The following ZNF100 variants were observed in gnomAD, a reference collection of about 807,000 sequenced individuals.
ZNF100 encodes zinc finger protein 100 (Y1).
In ZNF100, 12 loss-of-function variants were observed where a neutral mutation model predicts 15.8. The ratio of observed to expected loss-of-function variants is 0.76; its 90% CI spans 0.49 to 1.23. ZNF100 has a LOEUF of 1.23. ZNF100 is among the 50% of genes most tolerant of loss of function. The pLI is 0.00. For missense variants in ZNF100, 670 were observed against 635.6 expected (o/e 1.05, Z -0.58); for synonymous variants, 226 against 214.8 (o/e 1.05, Z -0.45).
At chr19:21,740,108 T>C (rs1469763451) in intron 4 of ZNF100, among the ~76,000 whole-genome samples, 1 of 151,872 alleles carries the variant, frequency 6.6e-6, no homozygotes, top group Non-Finnish European at 1.5e-5. Context: ...AAAAACAGTA[T>C]GGTACTGATA....
intron 2 of ZNF100, among the ~76,000 whole-genome samples, chr19:21,748,637 A>G (rs1160010594): frequency 6.6e-6 from 1 of 152,252 alleles, no homozygotes; most frequent in African/African-American, 2.4e-5. Flanking sequence ...TCTTCAGTCC[A>G]TAAATATCCC....
chr19:21,751,031 T>C (rs1335042006), intron 2 of ZNF100: 3 of 1,317,770 alleles, frequency 2.3e-6, no homozygotes, highest in African/African-American at 1.5e-5. Context: ...GGCCACCACC[T>C]GCAGCACATC....
chr19:21,765,795 G>GA lies in ZNF100; in HGVS notation c.4-10dup, dbSNP rs1449162838. ...CCATACCTCGGGTCATCCTACGGGA[G>GA]AAAATAAACCAGAAGCTGACATTCA... On this transcript the variant is annotated splice_polypyrimidine_tract_variant and intron_variant, in intron 1 of 4. Coordinates refer to ENST00000358296, the MANE Select transcript of ZNF100 (RefSeq NM_173531.4). 2 of 1,613,484 alleles carry GA rather than the reference G, an allele frequency of 1.2e-6. 1 individual carries two copies. Among genetic ancestry groups the GA allele is most frequent in the Non-Finnish European group, 1.7e-6 (2 of 1,179,638 alleles).
In ZNF100 at chr19:21,763,596, A is replaced by G. The variant is rs1244350314; in HGVS notation, c.96+2098T>C. Among the ~76,000 whole-genome samples, 4 of 152,234 alleles carry G rather than the reference A, an allele frequency of 2.6e-5. No individual in the cohort carries two copies. The East Asian group carries it at 5.8e-4, about 22-fold the overall frequency. ...AGAGTAAGACTCCATCCCGGGGGGA[A>G]AAAAATCAGCTAAATTTGTCTTCAG... On this transcript the variant is annotated intron_variant, in intron 2 of 4. Coordinates refer to ENST00000358296, the MANE Select transcript of ZNF100 (RefSeq NM_173531.4).
At chr19:21,734,691 T>A (rs1344377322) in intron 4 of ZNF100, among the ~76,000 whole-genome samples, 1 of 152,044 alleles carries the variant, frequency 6.6e-6, no homozygotes, top group Non-Finnish European at 1.5e-5. Context: ...ATCATTCAAA[T>A]TCAGAAAATC....
At chr19:21,728,142 A>C (rs1017254176) in intron 4 of ZNF100, among the ~76,000 whole-genome samples, 153 bp from the exon 5 acceptor site, 2 of 151,866 alleles carry the variant, frequency 1.3e-5, no homozygotes, top group African/African-American at 4.8e-5. Flanking sequence ...AAAAAAAAAA[A>C]AACCAACCAA....
At chr19:21,765,566 A>T in intron 2 of ZNF100, 128 bp downstream of exon 2, 1 of 798,700 alleles carries the variant, frequency 1.3e-6, no homozygotes, top group Non-Finnish European at 2.0e-6. Flanking sequence ...CCCTTAGATG[A>T]TCCAGGGAGC....
chr19:21,727,025 G>C lies in ZNF100; in HGVS notation c.1287C>G (p.Tyr429Ter). The C allele has an allele frequency of 6.2e-7, 1 of 1,613,964 alleles. No homozygotes were observed. The highest frequency in any genetic ancestry group is 8.5e-7 in the Non-Finnish European group (1 of 1,179,940). Residue 429 changes from tyrosine (Y) to a stop codon, truncating the protein, a stop_gained, in exon 5 of 5, where the codon TAC (tyrosine) becomes TAG (stop). Transcript: ENST00000358296. LOFTEE classifies it low-confidence loss of function (END_TRUNC). The stretch of plus-strand genomic sequence containing the variant: ...AAGCTTTGCCACATTCTTCACATTT[G>C]TAGGGTTTCTCTCCAGTATGAATTC... ...HKRIHTGEKP[Y>*]KCEECGKAFN...
intron 2 of ZNF100, among the ~76,000 whole-genome samples, chr19:21,755,388 T>C (rs954931037): frequency 6.6e-6 from 1 of 151,264 alleles, no homozygotes; most frequent in Non-Finnish European, 1.5e-5. Flanking sequence ...CACAGTGAGA[T>C]ACATCTCACA....
chr19:21,747,304 A>T (rs1187719852), intron 2 of ZNF100, among the ~76,000 whole-genome samples: 1 of 151,924 alleles, frequency 6.6e-6, no homozygotes, highest in East Asian at 1.9e-4. Context: ...TTAAAATAAC[A>T]TGGATGCTTC....
chr19:21,740,777 C>G (rs1430648564), intron 4 of ZNF100, among the ~76,000 whole-genome samples: 1 of 152,174 alleles, frequency 6.6e-6, no homozygotes, highest in Admixed American at 6.5e-5. Flanking sequence ...GACGCCAACT[C>G]TGTTGATGAT....
intron 4 of ZNF100, among the ~76,000 whole-genome samples, chr19:21,739,607 G>C (rs2036072973): frequency 6.6e-6 from 1 of 152,130 alleles, no homozygotes; most frequent in African/African-American, 2.4e-5. Flanking sequence ...GCACTGCATG[G>C]TATCTGACCA....
At position 21,736,010 on chromosome 19, in the gene ZNF100, G is replaced by C. The variant is rs538360527; in HGVS notation, c.322+8007C>G. Among the ~76,000 whole-genome samples the C allele has an allele frequency of 3.3e-5, 5 of 152,174 alleles. No individual in the cohort carries two copies. In the South Asian group the frequency reaches 1.0e-3, roughly 32 times the overall value. ...TCACCTTGTTAGCCAGGATGGTCTCGATCTCCCGACCTCATGATCTGTCAG... is the reference window on the plus strand; with the variant it reads ...TCACCTTGTTAGCCAGGATGGTCTCCATCTCCCGACCTCATGATCTGTCAG... On this transcript the variant is annotated intron_variant, in intron 4 of 4. Transcript: ENST00000358296.
chr19:21,744,370 T>C (rs2036174264), intron 3 of ZNF100, among the ~76,000 whole-genome samples: 1 of 152,164 alleles, frequency 6.6e-6, no homozygotes, highest in South Asian at 2.1e-4. Flanking sequence ...TATGTACATA[T>C]ATATACATTT....
rs1205575070 is a variant in ZNF100, at chr19:21,723,377, A to C, written c.*3306T>G. On this transcript the variant is annotated 3_prime_UTR_variant, in exon 5 of 5. Transcript: ENST00000358296. Reference sequence around the variant, plus strand: ...CTCTGTCTCAAAAAAAAAAAAAAAAAAAAAAACAACCAACTTTCTCGTCAA... The same window carrying C: ...CTCTGTCTCAAAAAAAAAAAAAAAACAAAAAACAACCAACTTTCTCGTCAA... The C allele has an allele frequency of 2.0e-5, 3 of 151,692 alleles. No individual in the cohort carries two copies. The highest frequency in any genetic ancestry group is 2.4e-5 in the African/African-American group (1 of 41,238). The allele number at this position is 151,692 out of a possible 1,614,324, so 9.4% of individuals were successfully genotyped here.
Position 21,767,562 on chromosome 19 carries a change from A to G in ZNF100, c.-133T>C, listed in dbSNP as rs2036587804. On this transcript the variant is annotated 5_prime_UTR_variant, in exon 1 of 5. Transcript: ENST00000358296. ...GAGAGCAAAACCTGGAGCTCCGGCT[A>G]CAGCGAGAGACAAAGACCCCGCCAA... The G allele has an allele frequency of 1.4e-6, 2 of 1,382,724 alleles. No homozygotes were observed. Among genetic ancestry groups the G allele is most frequent in the Non-Finnish European group, 2.0e-6 (2 of 1,010,544 alleles). 85.7% of individuals were successfully genotyped at this position (1,382,724 alleles called of 1,614,324 possible).
chr19:21,728,072 T>C, intron 4 of ZNF100, 83 bp from the exon 5 acceptor site: 1 of 1,240,844 alleles, frequency 8.1e-7, no homozygotes, highest in Non-Finnish European at 1.0e-6. Flanking sequence ...ACAAACTACA[T>C]AAATAAGATG....
chr19:21,745,507 G>C (rs906389332), intron 2 of ZNF100, among the ~76,000 whole-genome samples: 4 of 151,534 alleles, frequency 2.6e-5, no homozygotes, highest in Non-Finnish European at 1.5e-5. Context: ...CTGAGTTTCT[G>C]AATTTCTTTC....
intron 4 of ZNF100, among the ~76,000 whole-genome samples, chr19:21,734,831 G>A (rs1259167293): frequency 1.3e-5 from 2 of 152,024 alleles, no homozygotes; most frequent in African/African-American, 4.8e-5. Flanking sequence ...ACCCAGAAAG[G>A]GAAGCCCATC....
Sources: allele counts gnomAD v4.1 joint callset (sites outside exome capture counted in the v4.1 genomes callset), GRCh38; gene constraint gnomAD v4.1.1; transcripts MANE v1.5; gene names NCBI Gene and HGNC (gene_info 2026-07-23, HGNC 2026-07-21).